The following ZNF493 variants were observed in gnomAD, a reference collection of about 807,000 sequenced individuals.
The protein encoded by ZNF493 is zinc finger protein 493.
In ZNF493, 11 loss-of-function variants were observed where a neutral mutation model predicts 12.2. That is an observed-to-expected ratio of 0.90 (90% confidence interval 0.57 to 1.50). The LOEUF (loss-of-function observed/expected upper bound fraction) is 1.50. ZNF493 is among the 40% of genes most tolerant of loss of function. ZNF493 has a pLI of 0.00. For missense variants in ZNF493, 950 were observed against 906.6 expected (o/e 1.05, Z -0.61); for synonymous variants, 286 against 302.6 (o/e 0.95, Z 0.57).
Position 21,423,196 on chromosome 19 carries a change from GAAACCTTTC to G in ZNF493, c.541_549del (p.Pro181_Lys183del). 6.2e-7 allele frequency: 1 copy of G among 1,613,722 alleles called. No individual in the cohort carries two copies. The highest frequency in any genetic ancestry group is 8.5e-7 in the Non-Finnish European group (1 of 1,179,832). The stretch of plus-strand genomic sequence containing the variant: ...GACATAACACAAAACATACTGGAAA[GAAACCTTTC>G]AAATGTAAAAAATGTGGCAAATCAT... On this transcript the variant is annotated inframe_deletion, in exon 4 of 4. Transcript: ENST00000392288.
intron 3 of ZNF493, among the ~76,000 whole-genome samples, chr19:21,420,658 G>C (rs1222650236): frequency 3.0e-5 from 1 of 33,560 alleles, no homozygotes; most frequent in African/African-American, 1.1e-4. Flanking sequence ...TTTTTTTTCA[G>C]AACTTTGACT....
At position 21,419,168 on chromosome 19, in the gene ZNF493, G is replaced by A. The variant is rs553347607; in HGVS notation, c.254-3745G>A. Among the ~76,000 whole-genome samples, 4 of 152,154 alleles carry A rather than the reference G, an allele frequency of 2.6e-5. No individual in the cohort carries two copies. The South Asian group carries it at 8.3e-4, about 31-fold the overall frequency. On this transcript the variant is annotated intron_variant, in intron 3 of 3. Coordinates refer to ENST00000392288, the MANE Select transcript of ZNF493 (RefSeq NM_001076678.3). Reference sequence around the variant, plus strand: ...CAGAGCCATGTGACTGGCATCTGTAGTTGCGACAGTGTTGTGGGACTGAGC... The same window carrying A: ...CAGAGCCATGTGACTGGCATCTGTAATTGCGACAGTGTTGTGGGACTGAGC...
In ZNF493 at chr19:21,426,570, T is replaced by A. The variant is rs1188207645; in HGVS notation, c.*1586T>A. On this transcript the variant is annotated 3_prime_UTR_variant, in exon 4 of 4. Transcript: ENST00000392288. The stretch of plus-strand genomic sequence containing the variant: ...TGTATCAGATCTTATTGTCCACATT[T>A]TGTACTACAGAAAAACTCTGAAGAG... 1 of 166,894 alleles carries A rather than the reference T, an allele frequency of 6.0e-6. No homozygotes were observed. The highest frequency in any genetic ancestry group is 2.4e-5 in the African/African-American group (1 of 41,450). The allele number at this position is 166,894 out of a possible 1,614,324, so 10.3% of individuals were successfully genotyped here. A position where few individuals can be genotyped will look rare whatever the true frequency, so the allele number is the denominator to read the frequency against.
chr19:21,420,655 T>TTTTTTTTTTTTTTTTTTTTTC (rs766934918), intron 3 of ZNF493, among the ~76,000 whole-genome samples: 1 of 46,514 alleles, frequency 2.1e-5, no homozygotes, highest in African/African-American at 9.4e-5. Flanking sequence ...TTTTTTTTTT[T>TTTTTTTTTTTTTTTTTTTTTC]CAGAACTTTG....
In ZNF493 at chr19:21,423,076, T is replaced by C; in HGVS notation, c.417T>C (p.Tyr139=). The change falls in exon 4 of 4, where the codon TAT becomes TAC. Residue 139 remains tyrosine (Y), a synonymous_variant. Transcript: ENST00000392288. ...AGTGTAATGTGCACAAAGAAGGTTATAATGAACTAAACCAGTATTTGACAA... is the reference window on the plus strand; with the variant it reads ...AGTGTAATGTGCACAAAGAAGGTTACAATGAACTAAACCAGTATTTGACAA... ...MNECNVHKEG[Y]NELNQYLTTT... 3 of 1,613,744 alleles carry C rather than the reference T, an allele frequency of 1.9e-6. No individual in the cohort carries two copies. The highest frequency in any genetic ancestry group is 1.7e-4 in the Middle Eastern group (1 of 6,054).
intron 1 of ZNF493, among the ~76,000 whole-genome samples, chr19:21,403,991 T>G (rs1251301327): frequency 6.6e-6 from 1 of 152,198 alleles, no homozygotes; most frequent in African/African-American, 2.4e-5. Context: ...AAGATTCCCA[T>G]TGGCGGAAAG....
chr19:21,407,572 A>G (rs1173356462), intron 3 of ZNF493: 2 of 961,244 alleles, frequency 2.1e-6, no homozygotes, highest in East Asian at 1.2e-4. Flanking sequence ...TACAGGCGTG[A>G]GCCACCATGC....
Position 21,405,182 on chromosome 19 carries a change from A to G in ZNF493, c.84A>G (p.Gln28=), listed in dbSNP as rs756069346. 11 of 1,613,880 alleles carry G rather than the reference A, an allele frequency of 6.8e-6. No homozygotes were observed. The highest frequency in any genetic ancestry group is 2.2e-5 in the South Asian group (2 of 91,064). The change falls in exon 2 of 4, where the codon CAA becomes CAG. Residue 28 remains glutamine, a synonymous_variant. Coordinates refer to ENST00000392288, the MANE Select transcript of ZNF493 (RefSeq NM_001076678.3). ...VAIEFSLEEW[Q]CLDTAQQDLY... ...TAGAATTCTCTCTGGAGGAGTGGCA[A>G]TGCCTGGACACTGCTCAGCAGGATT...
chr19:21,415,834 AAC>A (rs1182732604), intron 3 of ZNF493, among the ~76,000 whole-genome samples: 2 of 152,208 alleles, frequency 1.3e-5, no homozygotes, highest in Non-Finnish European at 2.9e-5. Flanking sequence ...ATAGTAAAGA[AAC>A]AGTCTTTTAA....
intron 3 of ZNF493, among the ~76,000 whole-genome samples, chr19:21,416,246 T>A (rs796784574): frequency 2.8e-4 from 43 of 152,064 alleles, no homozygotes; most frequent in African/African-American, 8.2e-4. Flanking sequence ...ACCTTGCACA[T>A]TTTTTTTCTA....
chr19:21,401,929 C>T (rs2029959064), intron 1 of ZNF493, among the ~76,000 whole-genome samples: 1 of 151,262 alleles, frequency 6.6e-6, no homozygotes, highest in Non-Finnish European at 1.5e-5. Context: ...CATGCCCGGT[C>T]AGCTATTTAT....
At chr19:21,405,555 T>C (rs967065885) in intron 2 of ZNF493, 1 of 1,267,992 alleles carries the variant, frequency 7.9e-7, no homozygotes, top group African/African-American at 1.5e-5. Flanking sequence ...CCACCACTAA[T>C]TTTTTATCCA....
intron 1 of ZNF493, among the ~76,000 whole-genome samples, chr19:21,402,861 C>G (rs1379034387): frequency 6.6e-6 from 1 of 152,222 alleles, no homozygotes; most frequent in East Asian, 1.9e-4. Context: ...ATGACCACAA[C>G]TATACCTACC....
Position 21,425,002 on chromosome 19 carries a change from T to G in ZNF493, c.*18T>G. ...AAAAGTGAAGAATGTGGCAAAGGCC[T>G]TTACTGCTCCTATTCCCTTACTAAA... On this transcript the variant is annotated 3_prime_UTR_variant, in exon 4 of 4. Transcript: ENST00000392288. The G allele has an allele frequency of 6.3e-7, 1 of 1,577,176 alleles. No individual in the cohort carries two copies. Among genetic ancestry groups the G allele is most frequent in the Non-Finnish European group, 8.6e-7 (1 of 1,165,132 alleles).
chr19:21,420,386 A>G lies in ZNF493; in HGVS notation c.254-2527A>G, dbSNP rs373732368. 4.6e-5 allele frequency among the ~76,000 whole-genome samples: 7 copies of G among 151,394 alleles called. No homozygotes were observed. In the East Asian group the frequency reaches 5.8e-4, roughly 13 times the overall value. On this transcript the variant is annotated intron_variant, in intron 3 of 3. Coordinates refer to ENST00000392288, the MANE Select transcript of ZNF493 (RefSeq NM_001076678.3). ...AAGAAATTTATTTTTGTGTATGTGC[A>G]TATCTTTCCCAGAAAATAATGTATT...
At position 21,424,535 on chromosome 19, in the gene ZNF493, G is replaced by C; in HGVS notation, c.1876G>C (p.Glu626Gln). The change falls in exon 4 of 4, where the codon GAA becomes CAA. Residue 626 changes from glutamate to glutamine, a missense_variant. Transcript: ENST00000392288. Reference protein sequence around the residue: ...LSIHKKIHTGEKPYKCEECGK... With the variant: ...LSIHKKIHTGQKPYKCEECGK... The stretch of plus-strand genomic sequence containing the variant: ...TATACATAAGAAAATTCATACTGGA[G>C]AAAAACCCTACAAATGTGAAGAATG... The C allele has an allele frequency of 6.2e-7, 1 of 1,611,358 alleles. No individual in the cohort carries two copies. Among genetic ancestry groups the C allele is most frequent in the Non-Finnish European group, 8.5e-7 (1 of 1,179,192 alleles).
At chr19:21,415,668 A>G (rs998453778) in intron 3 of ZNF493, among the ~76,000 whole-genome samples, 5 of 152,214 alleles carry the variant, frequency 3.3e-5, no homozygotes, top group Non-Finnish European at 4.4e-5. Flanking sequence ...GAGTAGGTCA[A>G]TTACTTGCCC....
At chr19:21,405,561 A>T (rs775078282) in intron 2 of ZNF493, 200 bp from the exon 3 acceptor site, 56 of 1,251,284 alleles carry the variant, frequency 4.5e-5, no homozygotes, top group Non-Finnish European at 5.6e-5. Context: ...CTAATTTTTT[A>T]TCCATGAATA....
At chr19:21,409,734 G>C (rs1244753077) in intron 3 of ZNF493, among the ~76,000 whole-genome samples, 1 of 152,136 alleles carries the variant, frequency 6.6e-6, no homozygotes, top group East Asian at 1.9e-4. Context: ...GACAGAGTGA[G>C]ACCCTGTCTC....
Sources: gnomAD v4.1 joint callset for allele counts (sites outside exome capture counted in the v4.1 genomes callset) on GRCh38, gnomAD v4.1.1 for gene constraint, MANE v1.5 for transcripts, NCBI Gene and HGNC (gene_info 2026-07-23, HGNC 2026-07-21) for gene names.